Variants in ETV6 observed in about 807,000 individuals in gnomAD.
ETV6 encodes ETS variant transcription factor 6.
A neutral mutation model predicts 51.1 loss-of-function variants in ETV6; 16 were observed. That is an observed-to-expected ratio of 0.31 (90% CI 0.21 to 0.48). The LOEUF is 0.48. ETV6 is among the 20% of genes least tolerant of loss of function. The pLI is 0.99. For missense variants in ETV6, 458 were observed against 594.8 expected (o/e 0.77, Z 2.39); for synonymous variants, 240 against 224.1 (o/e 1.07, Z -0.64).
intron 1 of ETV6, among the ~76,000 whole-genome samples, chr12:11,691,517 A>G (rs2120796203): frequency 6.6e-6 from 1 of 152,362 alleles, no homozygotes; most frequent in Non-Finnish European, 1.5e-5. Flanking sequence ...AGACATACAC[A>G]CATAAAAAGT....
chr12:11,881,601 A>G (rs981685984), intron 5 of ETV6, among the ~76,000 whole-genome samples: 8 of 152,200 alleles, frequency 5.3e-5, no homozygotes, highest in Admixed American at 2.0e-4. Flanking sequence ...CCTCTTTTAA[A>G]AGGGCACTAA....
intron 1 of ETV6, among the ~76,000 whole-genome samples, chr12:11,657,219 T>G (rs2120622867): frequency 6.6e-6 from 1 of 152,282 alleles, no homozygotes; most frequent in Non-Finnish European, 1.5e-5. Context: ...ATGAGGAAAC[T>G]GAGTCTTGTG....
chr12:11,869,870 A>G lies in ETV6; in HGVS notation c.910A>G (p.Ile304Val), dbSNP rs748468451. The G allele has an allele frequency of 4.3e-6, 7 of 1,613,172 alleles. No homozygotes were observed. In the South Asian group the frequency reaches 6.6e-5, roughly 15 times the overall value. The change falls in exon 5 of 8, where the codon ATC becomes GTC. Residue 304 changes from isoleucine (I) to valine (V), a missense_variant. Physicochemically the swap from Ile to Val is conservative, Grantham distance 29. Coordinates refer to ENST00000396373, the MANE Select transcript of ETV6 (RefSeq NM_001987.5). This position sits in a 1 kb window ranked among gnomAD's most constrained non-coding sequence, Gnocchi z 5.0. ...EDGLHREGKPINLSHREDLAY... is the reference protein window; with the variant it reads ...EDGLHREGKPVNLSHREDLAY... ...CGGGCTGCATAGGGAAGGGAAGCCC[A>G]TCAACCTCTCTCATCGGGAAGACCT...
At chr12:11,756,175 G>A (rs1366181592) in intron 2 of ETV6, among the ~76,000 whole-genome samples, 1 of 152,128 alleles carries the variant, frequency 6.6e-6, no homozygotes, top group Non-Finnish European at 1.5e-5. Context: ...GTGCTGATTA[G>A]AGAGGACTTG....
Position 11,752,476 on chromosome 12 carries a change from A to G in ETV6, c.60A>G (p.Pro20=), listed in dbSNP as rs747866453. ...IKQERISYTP[P]ESPVPSYASS... is the part of the protein sequence containing the mutation. ...AGGAACGAATTTCATATACACCTCCAGAGAGCCCAGTGCCGAGTTACGCTT... is the reference window on the plus strand; with the variant it reads ...AGGAACGAATTTCATATACACCTCCGGAGAGCCCAGTGCCGAGTTACGCTT... Residue 20 remains proline (P), a synonymous_variant, in exon 2 of 8, where the codon CCA becomes CCG. Coordinates refer to ENST00000396373, the MANE Select transcript of ETV6 (RefSeq NM_001987.5). The G allele has an allele frequency of 6.8e-6, 11 of 1,613,758 alleles. No individual in the cohort carries two copies. The highest frequency in any genetic ancestry group is 8.5e-6 in the Non-Finnish European group (10 of 1,179,852).
At chr12:11,816,559 T>C (rs554760021) in intron 2 of ETV6, among the ~76,000 whole-genome samples, 27 of 152,348 alleles carry the variant, frequency 1.8e-4, no homozygotes, top group Admixed American at 5.2e-4. Flanking sequence ...TTTATGTTTT[T>C]AAAAGATCAT....
chr12:11,807,639 C>G (rs1296048498), intron 2 of ETV6, among the ~76,000 whole-genome samples: 2 of 152,178 alleles, frequency 1.3e-5, no homozygotes, highest in Non-Finnish European at 2.9e-5. Flanking sequence ...AAATAACCCA[C>G]TTTAGTCTTT....
intron 1 of ETV6, among the ~76,000 whole-genome samples, chr12:11,662,840 C>T (rs903261539): frequency 6.6e-6 from 1 of 152,128 alleles, no homozygotes; most frequent in Non-Finnish European, 1.5e-5. Context: ...GTGATTCTTC[C>T]TAGGGTCTCA....
At chr12:11,747,316 G>A (rs555645631) in intron 1 of ETV6, among the ~76,000 whole-genome samples, 56 of 152,316 alleles carry the variant, frequency 3.7e-4, no homozygotes, top group African/African-American at 1.3e-3. Flanking sequence ...GTTGCTTTCA[G>A]GGCAGGGGGG....
chr12:11,849,976 G>T (rs2136483844), intron 3 of ETV6, among the ~76,000 whole-genome samples: 1 of 152,272 alleles, frequency 6.6e-6, no homozygotes, highest in African/African-American at 2.4e-5. Flanking sequence ...GCCCCTAGTT[G>T]CTGAGGAAAC....
chr12:11,671,127 GCA>G (rs1565480483), intron 1 of ETV6, among the ~76,000 whole-genome samples: 30 of 152,202 alleles, frequency 2.0e-4, no homozygotes, highest in South Asian at 6.2e-4. Context: ...GGTAAGGTTG[GCA>G]GGGCGGGGAA....
At chr12:11,693,935 G>A (rs983680772) in intron 1 of ETV6, among the ~76,000 whole-genome samples, 18 of 152,170 alleles carry the variant, frequency 1.2e-4, no homozygotes, top group Non-Finnish European at 2.4e-4. Flanking sequence ...GAAAACAGCT[G>A]GTCCTCTGTG....
chr12:11,681,733 C>A (rs544692207), intron 1 of ETV6, among the ~76,000 whole-genome samples: 3 of 152,268 alleles, frequency 2.0e-5, no homozygotes, highest in African/African-American at 7.2e-5. Context: ...AGCCCCCACC[C>A]ACTGACAGGC....
At chr12:11,708,532 G>A (rs1447554542) in intron 1 of ETV6, among the ~76,000 whole-genome samples, 1 of 152,206 alleles carries the variant, frequency 6.6e-6, no homozygotes, top group Non-Finnish European at 1.5e-5. Context: ...AGACGGCCCA[G>A]ACTCCCCCCT....
intron 1 of ETV6, among the ~76,000 whole-genome samples, chr12:11,730,223 C>T (rs989922927): frequency 6.6e-6 from 1 of 152,246 alleles, no homozygotes; most frequent in South Asian, 2.1e-4. Flanking sequence ...AGCAGGCCTT[C>T]AGCAAAGCCC....
chr12:11,769,976 G>T (rs1591661361), intron 2 of ETV6, among the ~76,000 whole-genome samples: 6 of 152,324 alleles, frequency 3.9e-5, no homozygotes, highest in Admixed American at 3.9e-4. Context: ...GGTACAGACA[G>T]AGGAGTCACA....
intron 2 of ETV6, among the ~76,000 whole-genome samples, chr12:11,816,618 A>G (rs1055705466): frequency 6.6e-6 from 1 of 152,004 alleles, no homozygotes; most frequent in African/African-American, 2.4e-5. Flanking sequence ...TTTTTATTGG[A>G]TAGAGGAGAG....
intron 5 of ETV6, among the ~76,000 whole-genome samples, chr12:11,875,575 G>T (rs1357830511): frequency 6.6e-6 from 1 of 152,196 alleles, no homozygotes; most frequent in African/African-American, 2.4e-5. Flanking sequence ...GTAGTCATCC[G>T]TGAGTCATGT....
chr12:11,754,233 C>A (rs1944969722), intron 2 of ETV6, among the ~76,000 whole-genome samples: 1 of 152,192 alleles, frequency 6.6e-6, no homozygotes, highest in African/African-American at 2.4e-5. Flanking sequence ...GCCCGGCACT[C>A]TTCTGTGTCC....
Sources: allele counts gnomAD v4.1 joint callset (sites outside exome capture counted in the v4.1 genomes callset), GRCh38; gene constraint gnomAD v4.1.1; non-coding constraint Gnocchi (gnomAD v3.1); transcripts MANE v1.5; gene names NCBI Gene and HGNC (gene_info 2026-07-23, HGNC 2026-07-21).